The following SGCZ variants were observed in gnomAD, a reference collection of about 807,000 sequenced individuals.
SGCZ encodes the protein sarcoglycan zeta.
SGCZ carries 40 observed loss-of-function variants against 41.3 expected under a neutral mutation model. That is an observed-to-expected ratio of 0.97 (90% CI 0.75 to 1.26). SGCZ has a LOEUF of 1.26. SGCZ is among the 50% of genes most tolerant of loss of function. SGCZ has a pLI of 0.00. For synonymous variants in SGCZ, 206 were observed against 137.5 expected, an observed-to-expected ratio of 1.50 and a Z score of -3.49; for missense variants, 552 against 369.8, an observed-to-expected ratio of 1.49 and a Z score of -4.04.
intron 1 of SGCZ, among the ~76,000 whole-genome samples, chr8:15,230,736 G>A (rs1427905260): frequency 1.3e-5 from 2 of 152,128 alleles, no homozygotes; most frequent in Admixed American, 1.3e-4. Context: ...AGAGGCCAAA[G>A]GCAAGTATGG....
chr8:14,548,886 G>A (rs1239991748), intron 2 of SGCZ, among the ~76,000 whole-genome samples: 2 of 152,098 alleles, frequency 1.3e-5, no homozygotes, highest in South Asian at 2.1e-4. Context: ...TATTTGGCGG[G>A]AATTATGTCT....
At chr8:14,194,705 T>G (rs554205318) in intron 4 of SGCZ, among the ~76,000 whole-genome samples, 20 of 152,126 alleles carry the variant, frequency 1.3e-4, no homozygotes, top group African/African-American at 3.4e-4. Flanking sequence ...TTCAAGACAT[T>G]GAACATCAGT....
At chr8:14,444,301 T>C (rs1457506336) in intron 2 of SGCZ, among the ~76,000 whole-genome samples, 1 of 152,110 alleles carries the variant, frequency 6.6e-6, no homozygotes, top group Non-Finnish European at 1.5e-5. Context: ...TCCCAGCCTT[T>C]CCATTACTGG....
intron 3 of SGCZ, among the ~76,000 whole-genome samples, chr8:14,272,944 A>G (rs111917303): frequency 3.3e-5 from 5 of 152,138 alleles, no homozygotes; most frequent in African/African-American, 9.6e-5. Context: ...TTCAGTTTCT[A>G]TGTAAACTCA....
At chr8:14,653,753 C>A (rs2117462533) in intron 1 of SGCZ, among the ~76,000 whole-genome samples, 1 of 152,100 alleles carries the variant, frequency 6.6e-6, no homozygotes, top group South Asian at 2.1e-4. Context: ...ATGCCATTGG[C>A]AATACATGCT....
intron 1 of SGCZ, among the ~76,000 whole-genome samples, chr8:15,225,100 T>C (rs1052951456): frequency 6.6e-6 from 1 of 152,128 alleles, no homozygotes; most frequent in Non-Finnish European, 1.5e-5. Flanking sequence ...AATGGACATA[T>C]ATAGGAATTA....
intron 2 of SGCZ, among the ~76,000 whole-genome samples, chr8:14,366,602 C>G (rs553750093): frequency 2.0e-5 from 3 of 152,020 alleles, no homozygotes; most frequent in Non-Finnish European, 4.4e-5. Context: ...AACGGTCCCC[C>G]CAAAATCTTA....
intron 1 of SGCZ, among the ~76,000 whole-genome samples, chr8:15,125,938 G>A (rs941903138): frequency 6.6e-6 from 1 of 152,168 alleles, no homozygotes; most frequent in Non-Finnish European, 1.5e-5. Flanking sequence ...CTGAGGTCAG[G>A]AGTTTGAGAC....
chr8:14,424,081 T>C (rs1799709702), intron 2 of SGCZ, among the ~76,000 whole-genome samples: 1 of 152,088 alleles, frequency 6.6e-6, no homozygotes, highest in African/African-American at 2.4e-5. Context: ...ATGTAGGAGG[T>C]CAATGAGTCT....
intron 1 of SGCZ, among the ~76,000 whole-genome samples, chr8:15,189,990 G>C (rs1372313822): frequency 6.6e-6 from 1 of 152,044 alleles, no homozygotes; most frequent in African/African-American, 2.4e-5. Context: ...TAATAACCTA[G>C]CTTCAACACA....
At chr8:14,599,714 T>C (rs368760879) in intron 1 of SGCZ, among the ~76,000 whole-genome samples, 6 of 152,316 alleles carry the variant, frequency 3.9e-5, no homozygotes, top group African/African-American at 1.4e-4. Flanking sequence ...TGTCCCTCTC[T>C]AAAACAAACT....
At chr8:14,090,816 C>A (rs1333432152) in intron 7 of SGCZ, among the ~76,000 whole-genome samples, 179 bp from the exon 8 acceptor site, 1 of 152,022 alleles carries the variant, frequency 6.6e-6, no homozygotes, top group Non-Finnish European at 1.5e-5. Context: ...AAAATATCTG[C>A]AGCTATCTTC....
chr8:14,450,049 G>A (rs1800547173), intron 2 of SGCZ, among the ~76,000 whole-genome samples: 1 of 152,178 alleles, frequency 6.6e-6, no homozygotes, highest in Admixed American at 6.5e-5. Flanking sequence ...AACTGTGAAA[G>A]TGAAAATGAA....
intron 3 of SGCZ, among the ~76,000 whole-genome samples, chr8:14,240,127 A>C (rs1251437806): frequency 1.3e-5 from 2 of 151,176 alleles, no homozygotes; most frequent in Non-Finnish European, 3.0e-5. Context: ...AGGAGTTTGA[A>C]ACCAGCCTGG....
intron 3 of SGCZ, among the ~76,000 whole-genome samples, chr8:14,286,906 C>A (rs1045755877): frequency 2.6e-5 from 4 of 151,918 alleles, no homozygotes; most frequent in Non-Finnish European, 4.4e-5. Context: ...CTAAAAATTT[C>A]TTTGAAAAGT....
intron 3 of SGCZ, among the ~76,000 whole-genome samples, chr8:14,312,397 C>T (rs868100474): frequency 4.6e-5 from 7 of 152,200 alleles, no homozygotes; most frequent in Admixed American, 2.6e-4. Context: ...AGTCAGCCCA[C>T]GTACATGCAA....
intron 7 of SGCZ, among the ~76,000 whole-genome samples, chr8:14,094,472 T>G (rs1265332231): frequency 1.3e-5 from 2 of 152,276 alleles, no homozygotes; most frequent in Non-Finnish European, 2.9e-5. Flanking sequence ...GAACTCATCC[T>G]TTTTATGACT....
chr8:15,117,664 T>C (rs539830663), intron 1 of SGCZ, among the ~76,000 whole-genome samples: 20 of 152,344 alleles, frequency 1.3e-4, no homozygotes, highest in African/African-American at 4.8e-4. Flanking sequence ...AAGCAACTTA[T>C]ATGCTACCAA....
intron 1 of SGCZ, among the ~76,000 whole-genome samples, chr8:14,968,175 CAT>C (rs769455837): frequency 2.6e-5 from 4 of 152,276 alleles, no homozygotes; most frequent in Non-Finnish European, 5.9e-5. Context: ...ATCCCCCTTC[CAT>C]ATGGCTCTTT....
Sources: gnomAD v4.1 joint callset for allele counts (sites outside exome capture counted in the v4.1 genomes callset) on GRCh38, gnomAD v4.1.1 for gene constraint, MANE v1.5 for transcripts, NCBI Gene and HGNC (gene_info 2026-07-23, HGNC 2026-07-21) for gene names.